CAD: variants seen among roughly 807,000 people sequenced by gnomAD.
CAD encodes the protein multifunctional protein CAD.
A neutral mutation model predicts 237.2 loss-of-function variants in CAD; 81 were observed. That is an observed-to-expected ratio of 0.34 (90% CI 0.29 to 0.41). The LOEUF is 0.41. Among genes scored for constraint, CAD ranks in the 10% least tolerant of loss-of-function variants. The probability of loss-of-function intolerance (pLI) is 1.00; values close to 1 mark genes in which losing one functional copy is unlikely to be tolerated. For missense variants in CAD, 2,181 were observed against 2,951.7 expected, an observed-to-expected ratio of 0.74 and a Z score of 6.05; for synonymous variants, 1,196 against 1,162.8, an observed-to-expected ratio of 1.03 and a Z score of -0.58.
chr2:27,240,164 C>A lies in CAD; in HGVS notation c.5497-101C>A. Reference sequence around the variant, plus strand: ...GCTGAGGCAGGAGAATTGCTTGAACCCAGAAGGTCACGCCACTGCACTCCA... The same window carrying A: ...GCTGAGGCAGGAGAATTGCTTGAACACAGAAGGTCACGCCACTGCACTCCA... On this transcript the variant is annotated intron_variant, in intron 34 of 43. Coordinates refer to ENST00000264705, the MANE Select transcript of CAD (RefSeq NM_004341.5). This position sits in a 1 kb window ranked among gnomAD's most constrained non-coding sequence, Gnocchi z 4.6. The A allele has an allele frequency of 1.0e-6, 1 of 960,864 alleles. No individual in the cohort carries two copies. The highest frequency in any genetic ancestry group is 1.6e-6 in the Non-Finnish European group (1 of 618,722). The allele number at this position is 960,864 out of a possible 1,614,324, so 59.5% of individuals were successfully genotyped here.
In CAD at chr2:27,232,596, A is replaced by G; in HGVS notation, c.2794A>G (p.Thr932Ala). The change falls in exon 18 of 44, where the codon ACA (threonine) becomes GCA (alanine). Residue 932 changes from threonine (T) to alanine (A), a missense_variant. By Grantham distance (58) the Thr-to-Ala change is moderately conservative. Coordinates refer to ENST00000264705, the MANE Select transcript of CAD (RefSeq NM_004341.5). The surrounding 1 kb of genome is among the most constrained non-coding windows in gnomAD (Gnocchi z 4.1). Reference protein sequence around the residue: ...WGTTHDLTFRTPHVLVLGSGV... With the variant: ...WGTTHDLTFRAPHVLVLGSGV... ...CACCACCCATGACCTCACCTTTCGA[A>G]CACCTCATGTCCTAGTCCTTGGCTC... 6.2e-7 allele frequency: 1 copy of G among 1,614,144 alleles called. No individual in the cohort carries two copies. The highest frequency in any genetic ancestry group is 8.5e-7 in the Non-Finnish European group (1 of 1,180,026).
At position 27,237,464 on chromosome 2, in the gene CAD, TGGG is replaced by T; in HGVS notation, c.4485_4487del (p.Gly1496del). On this transcript the variant is annotated inframe_deletion, in exon 28 of 44. Transcript: ENST00000264705. The surrounding 1 kb of genome is among the most constrained non-coding windows in gnomAD (Gnocchi z 4.0). ...CTTCAGGCACAGCCGCTGCCCTGGCTGGGGGTATCACCATGGTGTGTGCCATGC... is the reference window on the plus strand; with the variant it reads ...CTTCAGGCACAGCCGCTGCCCTGGCTGGTATCACCATGGTGTGTGCCATGC... 1 of 1,614,220 alleles carries T rather than the reference TGGG, an allele frequency of 6.2e-7. No homozygotes were observed. The highest frequency in any genetic ancestry group is 1.1e-5 in the South Asian group (1 of 91,092).
chr2:27,237,578 C>G lies in CAD; in HGVS notation c.4563+33C>G. 1 of 1,598,474 alleles carries G rather than the reference C, an allele frequency of 6.3e-7. No homozygotes were observed. Among genetic ancestry groups the G allele is most frequent in the Admixed American group, 1.7e-5 (1 of 59,242 alleles). ...ACTGCACTCTTCCTGGTATTGGAGA[C>G]CCATATGCCCCTACCAGCCACCCTT... On this transcript the variant is annotated intron_variant, in intron 28 of 43. Transcript: ENST00000264705. This position sits in a 1 kb window ranked among gnomAD's most constrained non-coding sequence, Gnocchi z 4.0.
At position 27,223,666 on chromosome 2, in the gene CAD, C is replaced by G; in HGVS notation, c.913C>G (p.Pro305Ala). 2.5e-6 allele frequency: 4 copies of G among 1,614,168 alleles called. No homozygotes were observed. Among genetic ancestry groups the G allele is most frequent in the Non-Finnish European group, 3.4e-6 (4 of 1,180,004 alleles). Residue 305 changes from proline to alanine, a missense_variant, in exon 7 of 44, where the codon CCA (proline) becomes GCA (alanine). By Grantham distance (27) the Pro-to-Ala change is conservative. Coordinates refer to ENST00000264705, the MANE Select transcript of CAD (RefSeq NM_004341.5). ...GTTTGCTGTGGAGACAGACTCACTG[C>G]CAGCAGACTGGGCTCCTCTCTTCAC... ...HGFAVETDSL[P>A]ADWAPLFTNA...
In CAD at chr2:27,233,398, G is replaced by A. The variant is rs200398980; in HGVS notation, c.3078G>A (p.Ala1026=). ...AGCTGCCCAACAACATGGCCATGGCGTTGCATCGGCAGCAGTGCCGGGTGC... is the reference window on the plus strand; with the variant it reads ...AGCTGCCCAACAACATGGCCATGGCATTGCATCGGCAGCAGTGCCGGGTGC... ...GGQLPNNMAM[A]LHRQQCRVLG... Residue 1026 remains alanine (A), a synonymous_variant, in exon 20 of 44, where the codon GCG becomes GCA. Transcript: ENST00000264705. This position sits in a 1 kb window ranked among gnomAD's most constrained non-coding sequence, Gnocchi z 6.3. The A allele has an allele frequency of 7.0e-5, 113 of 1,614,216 alleles. No homozygotes were observed. Among genetic ancestry groups the A allele is most frequent in the Middle Eastern group, 1.6e-4 (1 of 6,062 alleles).
Position 27,225,870 on chromosome 2 carries a change from G to A in CAD, c.1786G>A (p.Gly596Arg). 6.2e-7 allele frequency: 1 copy of A among 1,614,246 alleles called. No homozygotes were observed. The highest frequency in any genetic ancestry group is 1.7e-5 in the Admixed American group (1 of 60,034). Residue 596 changes from glycine (G) to arginine (R), a missense_variant, in exon 12 of 44, where the codon GGA becomes AGA. Transcript: ENST00000264705. Reference protein sequence around the residue: ...SQVLVDKSLKGWKEIEYEVVR... With the variant: ...SQVLVDKSLKRWKEIEYEVVR... ...AGTGCTAGTAGACAAGTCTCTGAAG[G>A]GATGGAAGGAGATTGAGTACGAGGT...
rs1450924595 is a variant in CAD at position 27,237,584 on chromosome 2, TGCCCCTACCA to T, written c.4563+43_4563+52del. The T allele has an allele frequency of 6.3e-7, 1 of 1,597,132 alleles. No individual in the cohort carries two copies. Among genetic ancestry groups the T allele is most frequent in the Non-Finnish European group, 8.6e-7 (1 of 1,169,138 alleles). On this transcript the variant is annotated intron_variant, in intron 28 of 43. Transcript: ENST00000264705. This position sits in a 1 kb window ranked among gnomAD's most constrained non-coding sequence, Gnocchi z 4.0. Reference sequence around the variant, plus strand: ...CTCTTCCTGGTATTGGAGACCCATATGCCCCTACCAGCCACCCTTGCTTCCCTGAGCCCTT... The same window carrying T: ...CTCTTCCTGGTATTGGAGACCCATATGCCACCCTTGCTTCCCTGAGCCCTT...
At position 27,222,334 on chromosome 2, in the gene CAD, A is replaced by G; in HGVS notation, c.493A>G (p.Lys165Glu). Residue 165 changes from lysine (K) to glutamate (E), a missense_variant and splice_region_variant, in exon 4 of 44, where the codon AAG becomes GAG. Transcript: ENST00000264705. ...ARPLVPEVSI[K>E]TPRVFNTGGA... ...CCCCCTGGTACCAGAGGTCTCCATT[A>G]AGGTACAGAGGTAGAGTGGGAGAGT... is the stretch of plus-strand genomic sequence containing the variant. 1.2e-6 allele frequency: 2 copies of G among 1,610,628 alleles called. No homozygotes were observed. The highest frequency in any genetic ancestry group is 8.5e-7 in the Non-Finnish European group (1 of 1,177,288).
intron 2 of CAD, among the ~76,000 whole-genome samples, chr2:27,218,998 T>A (rs983701854): frequency 6.6e-6 from 1 of 152,218 alleles, no homozygotes; most frequent in Non-Finnish European, 1.5e-5. Context: ...TTCTAGTTGA[T>A]AGTGAATTCT....
intron 5 of CAD, 53 bp downstream of exon 5, chr2:27,222,713 T>G: frequency 1.3e-6 from 2 of 1,599,660 alleles, no homozygotes; most frequent in East Asian, 2.2e-5. Context: ...GGGTGGAAGA[T>G]CTATCCCTTG....
At position 27,233,876 on chromosome 2, in the gene CAD, G is replaced by C. The variant is rs888484748; in HGVS notation, c.3399+68G>C. 1 of 1,581,714 alleles carries C rather than the reference G, an allele frequency of 6.3e-7. No homozygotes were observed. The highest frequency in any genetic ancestry group is 8.7e-7 in the Non-Finnish European group (1 of 1,155,204). ...AGCCCTGGAGGAGACTTCCTTCTCT[G>C]GTCCAGCAGAATCATAGGCACCAGG... On this transcript the variant is annotated intron_variant, in intron 21 of 43. Coordinates refer to ENST00000264705, the MANE Select transcript of CAD (RefSeq NM_004341.5). The surrounding 1 kb of genome is among the most constrained non-coding windows in gnomAD (Gnocchi z 6.3).
intron 15 of CAD, among the ~76,000 whole-genome samples, 182 bp from the exon 16 acceptor site, chr2:27,231,286 G>A (rs1675739624): frequency 6.6e-6 from 1 of 152,208 alleles, no homozygotes; most frequent in Admixed American, 6.5e-5. Flanking sequence ...GATTACAGGC[G>A]TGAGCCACTG....
rs1016876007 is a variant in CAD, at chr2:27,220,972, A to G, written c.223-246A>G. On this transcript the variant is annotated intron_variant, in intron 2 of 43. Transcript: ENST00000264705. ...GACTCTGTCTCAAAAAAAATAAATA[A>G]TAAATAAATAAAAAGGAAAATGTCA... Among the ~76,000 whole-genome samples the G allele has an allele frequency of 2.0e-5, 3 of 152,076 alleles. No individual in the cohort carries two copies. The East Asian group carries it at 5.8e-4, about 29-fold the overall frequency.
chr2:27,225,163 G>A lies in CAD; in HGVS notation c.1540G>A (p.Asp514Asn). 1.2e-6 allele frequency: 2 copies of A among 1,614,204 alleles called. No individual in the cohort carries two copies. The highest frequency in any genetic ancestry group is 4.5e-5 in the East Asian group (2 of 44,888). ...AGTGGAGACCATTGAGCTGACCGAG[G>A]ATCGACGGGCCTTTGCTGCCAGAAT... ...TPVETIELTE[D>N]RRAFAARMAE... Residue 514 changes from aspartate to asparagine, a missense_variant, in exon 11 of 44, where the codon GAT (aspartate) becomes AAT (asparagine). Asp to Asn is a conservative substitution (Grantham distance 23). This residue lies in a region of CAD where 174 missense variants were observed against 215.8 expected (regional missense o/e 0.81). Coordinates refer to ENST00000264705, the MANE Select transcript of CAD (RefSeq NM_004341.5).
rs1160042275 is a variant in CAD, at chr2:27,243,745, C to T, written c.*227C>T. On this transcript the variant is annotated 3_prime_UTR_variant, in exon 44 of 44. Coordinates refer to ENST00000264705, the MANE Select transcript of CAD (RefSeq NM_004341.5). ...TTCCTGCACCTTAAACCTGTACAGT[C>T]ATTTTTCTACTGACTTAATAAACAG... 5.4e-6 allele frequency: 3 copies of T among 550,508 alleles called. No individual in the cohort carries two copies. The African/African-American group carries it at 5.7e-5, about 10-fold the overall frequency. The allele number at this position is 550,508 out of a possible 1,614,324, so 34.1% of individuals were successfully genotyped here. A position where few individuals can be genotyped will look rare whatever the true frequency, so the allele number is the denominator to read the frequency against.
Position 27,222,998 on chromosome 2 carries a change from T to C in CAD, c.770T>C (p.Leu257Pro). 6.2e-7 allele frequency: 1 copy of C among 1,614,166 alleles called. No homozygotes were observed. Among genetic ancestry groups the C allele is most frequent in the Non-Finnish European group, 8.5e-7 (1 of 1,180,016 alleles). Residue 257 changes from leucine to proline, a missense_variant, in exon 6 of 44, where the codon CTA becomes CCA. Transcript: ENST00000264705. ...TTTGGGATCTGCCTGGGACACCAGC[T>C]ATTGGCCTTAGCCATTGGGGCCAAG... Reference protein sequence around the residue: ...PVFGICLGHQLLALAIGAKTY... With the variant: ...PVFGICLGHQPLALAIGAKTY...
chr2:27,242,183 C>T lies in CAD; in HGVS notation c.6096+60C>T, dbSNP rs1030477285. The T allele has an allele frequency of 6.3e-7, 1 of 1,589,196 alleles. No individual in the cohort carries two copies. Among genetic ancestry groups the T allele is most frequent in the Non-Finnish European group, 8.6e-7 (1 of 1,163,286 alleles). Reference sequence around the variant, plus strand: ...AAGGCTGGACCCAGGGGCATGAGAACCCTTCTGCCCACGTTTTCTGTGTTT... The same window carrying T: ...AAGGCTGGACCCAGGGGCATGAGAATCCTTCTGCCCACGTTTTCTGTGTTT... On this transcript the variant is annotated intron_variant, in intron 39 of 43. Transcript: ENST00000264705. This position sits in a 1 kb window ranked among gnomAD's most constrained non-coding sequence, Gnocchi z 6.4.
chr2:27,243,388 T>G, intron 43 of CAD, 28 bp from the exon 44 acceptor site: 2 of 1,505,902 alleles, frequency 1.3e-6, no homozygotes, highest in Non-Finnish European at 1.8e-6. Context: ...CGATAACACT[T>G]CCTTTTTTTT....
rs1166915707 is a variant in CAD at position 27,225,091 on chromosome 2, A to G, written c.1468A>G (p.Lys490Glu). Residue 490 changes from lysine to glutamate, a missense_variant, in exon 11 of 44, where the codon AAG becomes GAG. Coordinates refer to ENST00000264705, the MANE Select transcript of CAD (RefSeq NM_004341.5). ...TCTGAACTGTGGTGTGGAGCTGACC[A>G]AGGCCGGGGTGCTGGCTCGGTATGG... ...TALNCGVELT[K>E]AGVLARYGVR... 1 of 1,614,094 alleles carries G rather than the reference A, an allele frequency of 6.2e-7. No individual in the cohort carries two copies. Among genetic ancestry groups the G allele is most frequent in the Non-Finnish European group, 8.5e-7 (1 of 1,180,016 alleles).
Sources: allele counts gnomAD v4.1 joint callset (sites outside exome capture counted in the v4.1 genomes callset), GRCh38; gene constraint gnomAD v4.1.1; regional missense constraint gnomAD v4.1.1; non-coding constraint Gnocchi (gnomAD v3.1); transcripts MANE v1.5; gene names NCBI Gene and HGNC (gene_info 2026-07-23, HGNC 2026-07-21).